PTCD3: variants seen among roughly 807,000 people sequenced by gnomAD.
The protein encoded by PTCD3 is pentatricopeptide repeat domain 3, also known as small ribosomal subunit protein mS39.
In PTCD3, 89 loss-of-function variants were observed where a neutral mutation model predicts 101.9. That is an observed-to-expected ratio of 0.87 (90% CI 0.74 to 1.04). The LOEUF (loss-of-function observed/expected upper bound fraction) is 1.04. Ranked by LOEUF, PTCD3 falls within the 50% of genes least tolerant of loss-of-function variation. PTCD3 has a pLI of 0.00. For synonymous variants in PTCD3, 296 were observed against 278.5 expected, an observed-to-expected ratio of 1.06 and a Z score of -0.63; for missense variants, 870 against 828.2, an observed-to-expected ratio of 1.05 and a Z score of -0.62.
In PTCD3 at chr2:86,111,099, G is replaced by A. The variant is rs1674073657; in HGVS notation, c.195-14G>A. The A allele has an allele frequency of 1.2e-6, 2 of 1,610,510 alleles. No homozygotes were observed. Among genetic ancestry groups the A allele is most frequent in the Admixed American group, 1.7e-5 (1 of 60,008 alleles). ...GAGCCCTGATGAGGATTAACTTGTG[G>A]TTCTTATTTTTAGGGATAAAGTAGC... is the stretch of plus-strand genomic sequence containing the variant. On this transcript the variant is annotated splice_polypyrimidine_tract_variant and intron_variant, in intron 3 of 23. Transcript: ENST00000254630.
At chr2:86,106,403 C>A (rs769643952) in intron 1 of PTCD3, 52 bp downstream of exon 1, 5 of 1,550,946 alleles carry the variant, frequency 3.2e-6, no homozygotes, top group Non-Finnish European at 3.5e-6. Context: ...CACCTTAGTC[C>A]TATGTTTCCC....
At chr2:86,107,905 C>G (rs1421501181) in intron 1 of PTCD3, among the ~76,000 whole-genome samples, 1 of 152,098 alleles carries the variant, frequency 6.6e-6, no homozygotes, top group Non-Finnish European at 1.5e-5. Context: ...CCAGATTGTT[C>G]AAGTGCTATT....
At position 86,140,602 on chromosome 2, in the gene PTCD3, T is replaced by TC. The variant is rs1320605027; in HGVS notation, c.*3043_*3044insC. 1 of 152,132 alleles carries TC rather than the reference T, an allele frequency of 6.6e-6. No individual in the cohort carries two copies. Among genetic ancestry groups the TC allele is most frequent in the Non-Finnish European group, 1.5e-5 (1 of 68,032 alleles). The allele number at this position is 152,132 out of a possible 1,614,324, so 9.4% of individuals were successfully genotyped here. ...TTGAGTCACTAGGAGCATGGATGTA[T>TC]AAGGCAGGTTTTATACAACCATTTA... On this transcript the variant is annotated 3_prime_UTR_variant, in exon 24 of 24. Transcript: ENST00000254630.
In PTCD3 at chr2:86,136,996, A is replaced by G. The variant is rs767030529; in HGVS notation, c.1835A>G (p.Asn612Ser). Residue 612 changes from asparagine to serine, a missense_variant, in exon 23 of 24, where the codon AAT (asparagine) becomes AGT (serine). Coordinates refer to ENST00000254630, the MANE Select transcript of PTCD3 (RefSeq NM_017952.6). ...TTCTTTTACAGAAGTGAGTTGCTGA[A>G]TGAGCTTATGGACAGTGCAAAAGTG... ...HNKIPRSELL[N>S]ELMDSAKVSN... The G allele has an allele frequency of 1.7e-5, 27 of 1,613,534 alleles. No homozygotes were observed. The South Asian group carries it at 2.5e-4, about 15-fold the overall frequency.
At chr2:86,129,502 C>T (rs1231069309) in intron 14 of PTCD3, among the ~76,000 whole-genome samples, 6 of 151,928 alleles carry the variant, frequency 3.9e-5, no homozygotes, top group Non-Finnish European at 7.4e-5. Flanking sequence ...AGTAGCTGGG[C>T]ATGGTGGCGC....
At chr2:86,121,883 C>T (rs548264503) in intron 8 of PTCD3, among the ~76,000 whole-genome samples, 8 of 152,182 alleles carry the variant, frequency 5.3e-5, no homozygotes, top group African/African-American at 1.4e-4. Flanking sequence ...AGAGTAATGA[C>T]ATGATGTATT....
In PTCD3 at chr2:86,138,725, G is replaced by GTAT. The variant is rs1674638061; in HGVS notation, c.*1168_*1170dup. The GTAT allele has an allele frequency of 6.6e-6, 1 of 151,384 alleles. No homozygotes were observed. Among genetic ancestry groups the GTAT allele is most frequent in the Non-Finnish European group, 1.5e-5 (1 of 67,982 alleles). The allele number at this position is 151,384 out of a possible 1,614,324, so 9.4% of individuals were successfully genotyped here. A position where few individuals can be genotyped will look rare whatever the true frequency, so the allele number is the denominator to read the frequency against. On this transcript the variant is annotated 3_prime_UTR_variant, in exon 24 of 24. Coordinates refer to ENST00000254630, the MANE Select transcript of PTCD3 (RefSeq NM_017952.6). ...TAGCTAGCTACTTAAGCATCCATGG[G>GTAT]TATTGCTCCATATCAAAGCAGATTT...
At position 86,134,942 on chromosome 2, in the gene PTCD3, G is replaced by A. The variant is rs756567130; in HGVS notation, c.1733G>A (p.Cys578Tyr). ...GATTGGCCAGCCACCTCTCTCAACT[G>A]TATAGCTATCCTCTTTTTAAGGGCT... ...AQDWPATSLN[C>Y]IAILFLRAGR... The change falls in exon 21 of 24, where the codon TGT becomes TAT. Residue 578 changes from cysteine to tyrosine, a missense_variant. Physicochemically the swap from Cys to Tyr is radical, Grantham distance 194. Coordinates refer to ENST00000254630, the MANE Select transcript of PTCD3 (RefSeq NM_017952.6). The A allele has an allele frequency of 1.2e-6, 2 of 1,614,030 alleles. No homozygotes were observed. Among genetic ancestry groups the A allele is most frequent in the African/African-American group, 1.3e-5 (1 of 74,906 alleles).
intron 11 of PTCD3, 35 bp downstream of exon 11, chr2:86,125,550 AT>A (rs1449928834): frequency 7.7e-6 from 12 of 1,558,452 alleles, no homozygotes; most frequent in Non-Finnish European, 9.7e-6. Context: ...CCCTTTCTCC[AT>A]TTCCTTCTTT....
rs368506516 is a variant in PTCD3, at chr2:86,134,873, T to C, written c.1664T>C (p.Ile555Thr). 5.6e-6 allele frequency: 9 copies of C among 1,614,168 alleles called. No homozygotes were observed. Among genetic ancestry groups the C allele is most frequent in the African/African-American group, 2.7e-5 (2 of 75,050 alleles). The change falls in exon 21 of 24, where the codon ATC (isoleucine) becomes ACC (threonine). Residue 555 changes from isoleucine (I) to threonine (T), a missense_variant. Physicochemically the swap from Ile to Thr is moderately conservative, Grantham distance 89. Coordinates refer to ENST00000254630, the MANE Select transcript of PTCD3 (RefSeq NM_017952.6). Reference sequence around the variant, plus strand: ...GCATTTGCTGACTGTGCTGCTGATATCAAATCTGCGTATGAAAGCCAACCC... The same window carrying C: ...GCATTTGCTGACTGTGCTGCTGATACCAAATCTGCGTATGAAAGCCAACCC... ...QVAFADCAAD[I>T]KSAYESQPIR...
At position 86,126,365 on chromosome 2, in the gene PTCD3, C is replaced by T. The variant is rs79264442; in HGVS notation, c.951+485C>T. On this transcript the variant is annotated intron_variant, in intron 12 of 23. Transcript: ENST00000254630. ...AGCCCTGGGACTCAGCTGTGTCTGGCACATAAGAAGAAAAAGTTGCTTGAC... is the reference window on the plus strand; with the variant it reads ...AGCCCTGGGACTCAGCTGTGTCTGGTACATAAGAAGAAAAAGTTGCTTGAC... 6.8e-3 allele frequency among the ~76,000 whole-genome samples: 1,031 copies of T among 152,132 alleles called. 14 individuals carry two copies. Among genetic ancestry groups the T allele is most frequent in the African/African-American group, 0.023 (955 of 41,484 alleles).
intron 15 of PTCD3, 139 bp from the exon 16 acceptor site, chr2:86,130,939 C>T (rs529437299): frequency 1.4e-6 from 2 of 1,398,962 alleles, no homozygotes; most frequent in Non-Finnish European, 1.9e-6. Context: ...TGGTACATTC[C>T]TGCCTCTCTT....
chr2:86,137,626 T>C lies in PTCD3; in HGVS notation c.*67T>C, dbSNP rs886341534. 6.3e-7 allele frequency: 1 copy of C among 1,597,754 alleles called. No homozygotes were observed. On this transcript the variant is annotated 3_prime_UTR_variant, in exon 24 of 24. Transcript: ENST00000254630. Reference sequence around the variant, plus strand: ...CTGGAATCACACCTGAGAACTGAGATATACCAATATTTAACATTGTTACAA... The same window carrying C: ...CTGGAATCACACCTGAGAACTGAGACATACCAATATTTAACATTGTTACAA...
intron 20 of PTCD3, 90 bp from the exon 21 acceptor site, chr2:86,134,749 G>T: frequency 7.1e-7 from 1 of 1,415,798 alleles, no homozygotes; most frequent in South Asian, 1.2e-5. Flanking sequence ...AAAATGCATT[G>T]CTCAGATTTT....
Position 86,125,897 on chromosome 2 carries a change from A to C in PTCD3, c.951+17A>C. The C allele has an allele frequency of 6.5e-7, 1 of 1,541,338 alleles. No individual in the cohort carries two copies. ...AAAATACTGGTAAGGAGGAATCCTC[A>C]GTTTATTTTTTAATAGGGCTTAAAT... On this transcript the variant is annotated intron_variant, in intron 12 of 23. Transcript: ENST00000254630.
At chr2:86,135,951 A>C (rs3770069) in intron 21 of PTCD3, 1 of 518,796 alleles carries the variant, frequency 1.9e-6, no homozygotes, top group South Asian at 1.4e-5. Context: ...TTTGTCCTGC[A>C]TGTGGCAGGC....
intron 7 of PTCD3, 183 bp downstream of exon 7, chr2:86,119,227 C>A: frequency 2.6e-6 from 2 of 757,196 alleles, no homozygotes; most frequent in Non-Finnish European, 4.0e-6. Context: ...TTAAGAATTA[C>A]AGGCGAAGTA....
chr2:86,137,779 A>G lies in PTCD3; in HGVS notation c.*220A>G, dbSNP rs1674615352. 1 of 530,724 alleles carries G rather than the reference A, an allele frequency of 1.9e-6. No homozygotes were observed. The highest frequency in any genetic ancestry group is 3.2e-6 in the Non-Finnish European group (1 of 310,522). 32.9% of individuals were successfully genotyped at this position (530,724 alleles called of 1,614,324 possible). Reference sequence around the variant, plus strand: ...ATTAATGCACCATTAAAGGCTTAGCATTTAAGTAGCAACATTGCGGTTTTC... The same window carrying G: ...ATTAATGCACCATTAAAGGCTTAGCGTTTAAGTAGCAACATTGCGGTTTTC... On this transcript the variant is annotated 3_prime_UTR_variant, in exon 24 of 24. Transcript: ENST00000254630.
Position 86,130,741 on chromosome 2 carries a change from T to A in PTCD3, c.1237+4T>A, listed in dbSNP as rs199815693. The A allele has an allele frequency of 9.3e-6, 15 of 1,613,282 alleles. No homozygotes were observed. In the African/African-American group the frequency reaches 1.9e-4, roughly 20 times the overall value. On this transcript the variant is annotated splice_donor_region_variant and intron_variant, in intron 15 of 23. Coordinates refer to ENST00000254630, the MANE Select transcript of PTCD3 (RefSeq NM_017952.6). ...TCTCCAAAGGACCCGGATGATGGCA[T>A]GTATAGAAATCACTTGTGTTTTCCT...
Sources: allele counts gnomAD v4.1 joint callset (sites outside exome capture counted in the v4.1 genomes callset), GRCh38; gene constraint gnomAD v4.1.1; transcripts MANE v1.5; gene names NCBI Gene and HGNC (gene_info 2026-07-23, HGNC 2026-07-21).